Variants in TBCE observed in about 807,000 individuals in gnomAD.
TBCE encodes the protein tubulin-specific chaperone E.
TBCE carries 53 observed loss-of-function variants against 77.0 expected under a neutral mutation model. The ratio of observed to expected loss-of-function variants is 0.69; its 90% CI spans 0.55 to 0.87. The LOEUF (loss-of-function observed/expected upper bound fraction) is 0.87, where lower values mean the gene tolerates loss of function less well. TBCE is among the 40% of genes least tolerant of loss of function. The probability of loss-of-function intolerance (pLI) is 0.00; values close to 1 mark genes in which losing one functional copy is unlikely to be tolerated. For synonymous variants in TBCE, 235 were observed against 241.3 expected (o/e 0.97, Z 0.24); for missense variants, 624 against 622.4 (o/e 1.00, Z -0.03).
At chr1:235,390,141 G>C (rs1572344714) in intron 2 of TBCE, among the ~76,000 whole-genome samples, 1 of 151,350 alleles carries the variant, frequency 6.6e-6, no homozygotes, top group Non-Finnish European at 1.5e-5. Context: ...AAAAGAAAAA[G>C]AAAAAGAAAT....
At chr1:235,413,203 GAA>G (rs1679913111) in intron 3 of TBCE, among the ~76,000 whole-genome samples, 1 of 152,056 alleles carries the variant, frequency 6.6e-6, no homozygotes, top group African/African-American at 2.4e-5. Context: ...AAAAAAGTAC[GAA>G]AAGTGTTAGC....
At chr1:235,448,081 C>T (rs1572465848) in intron 15 of TBCE, among the ~76,000 whole-genome samples, 1 of 151,958 alleles carries the variant, frequency 6.6e-6, no homozygotes, top group East Asian at 1.9e-4. Context: ...TGGTGATGGG[C>T]ACCAGCTACT....
chr1:235,419,783 G>A (rs147226983), intron 5 of TBCE, among the ~76,000 whole-genome samples: 97 of 152,220 alleles, frequency 6.4e-4, no homozygotes, highest in African/African-American at 2.3e-3. Flanking sequence ...TCTACACCGG[G>A]CTCCTTGAAA....
intron 15 of TBCE, among the ~76,000 whole-genome samples, chr1:235,445,427 G>A (rs1427983276): frequency 6.6e-6 from 1 of 152,120 alleles, no homozygotes; most frequent in African/African-American, 2.4e-5. Context: ...CCAGGAGTTC[G>A]AGACCAGCCT....
At chr1:235,433,089 C>A in intron 7 of TBCE, 1 of 1,543,692 alleles carries the variant, frequency 6.5e-7, no homozygotes, top group African/African-American at 1.4e-5. Flanking sequence ...TGCGGATGAA[C>A]GTGGCCAAGG....
chr1:235,390,715 C>T (rs772975068), intron 2 of TBCE, among the ~76,000 whole-genome samples: 4 of 145,822 alleles, frequency 2.7e-5, no homozygotes, highest in South Asian at 2.1e-4. Context: ...GAGCTGAGAT[C>T]GTGCCATTGC....
intron 9 of TBCE, 40 bp downstream of exon 9, chr1:235,435,880 C>G: frequency 6.5e-7 from 1 of 1,545,484 alleles, no homozygotes; most frequent in East Asian, 2.2e-5. Flanking sequence ...AGTGTTCAGT[C>G]AATTCTTAGT....
chr1:235,438,919 C>CT lies in TBCE; in HGVS notation c.1268dup (p.Lys424GlufsTer6). 6 of 1,614,162 alleles carry CT rather than the reference C, an allele frequency of 3.7e-6. No homozygotes were observed. The highest frequency in any genetic ancestry group is 5.1e-6 in the Non-Finnish European group (6 of 1,180,042). ...CCATCCCAGATACCAGTTCCTCTGCCTGAGTACGTGCGTATACACTGGTGG... is the reference window on the plus strand; with the variant it reads ...CCATCCCAGATACCAGTTCCTCTGCCTTGAGTACGTGCGTATACACTGGTGG... On this transcript the variant is annotated frameshift_variant, in exon 13 of 17. Transcript: ENST00000642610. LOFTEE classifies it high-confidence loss of function.
chr1:235,425,716 C>T (rs904409776), intron 5 of TBCE, among the ~76,000 whole-genome samples: 1 of 152,076 alleles, frequency 6.6e-6, no homozygotes, highest in South Asian at 2.1e-4. Context: ...AGCCCCTCTG[C>T]TCGAGTCACA....
chr1:235,402,163 A>G (rs1679151006), intron 3 of TBCE, among the ~76,000 whole-genome samples: 1 of 150,876 alleles, frequency 6.6e-6, no homozygotes. Context: ...TCCTAGGTTC[A>G]AGCAATTCTC....
chr1:235,403,965 A>C (rs1211795145), intron 3 of TBCE, among the ~76,000 whole-genome samples: 1 of 152,154 alleles, frequency 6.6e-6, no homozygotes, highest in Non-Finnish European at 1.5e-5. Context: ...ATTTATCTAA[A>C]CATAGAAAAG....
intron 2 of TBCE, among the ~76,000 whole-genome samples, chr1:235,385,998 T>G (rs1202378298): frequency 6.6e-6 from 1 of 152,212 alleles, no homozygotes; most frequent in Non-Finnish European, 1.5e-5. Context: ...AGGAGCTCTT[T>G]TAGGGCAGGC....
chr1:235,369,659 TAA>T (rs55928332), intron 1 of TBCE, among the ~76,000 whole-genome samples: 77,886 of 151,498 alleles, frequency 0.51, 20,317 homozygotes, highest in East Asian at 0.72. Context: ...CCGTCTCTAC[TAA>T]AAAAAAACAC....
intron 2 of TBCE, among the ~76,000 whole-genome samples, chr1:235,382,388 AC>A: frequency 6.6e-6 from 1 of 152,340 alleles, no homozygotes; most frequent in Non-Finnish European, 1.5e-5. Flanking sequence ...AGGAATCGCC[AC>A]ACTGACTTCC....
At chr1:235,386,675 T>C (rs1303295708) in intron 2 of TBCE, among the ~76,000 whole-genome samples, 1 of 152,162 alleles carries the variant, frequency 6.6e-6, no homozygotes, top group Non-Finnish European at 1.5e-5. Context: ...CTTCTCTGTA[T>C]TGGTTATTCT....
rs555539702 is a variant in TBCE at position 235,424,979 on chromosome 1, C to T, written c.461-2161C>T. On this transcript the variant is annotated intron_variant, in intron 5 of 16. Transcript: ENST00000642610. ...TCTTCTTCTGTCGCTGGCCACTCCT[C>T]AGTCGCTTCTGTGGGACCTTTCTCT... Among the ~76,000 whole-genome samples, 98 of 152,246 alleles carry T rather than the reference C, an allele frequency of 6.4e-4. No individual in the cohort carries two copies. The South Asian group carries it at 0.012, about 19-fold the overall frequency.
At chr1:235,375,374 G>A (rs1677233672) in intron 1 of TBCE, among the ~76,000 whole-genome samples, 1 of 152,098 alleles carries the variant, frequency 6.6e-6, no homozygotes, top group African/African-American at 2.4e-5. Context: ...CTAACTAAGA[G>A]CAACATGCCA....
At chr1:235,376,930 C>T (rs940784678) in intron 1 of TBCE, among the ~76,000 whole-genome samples, 5 of 151,844 alleles carry the variant, frequency 3.3e-5, no homozygotes, top group Non-Finnish European at 7.4e-5. Flanking sequence ...GCTGAGATTG[C>T]ACCAGCCTGA....
At chr1:235,428,133 G>A (rs1364836130) in intron 6 of TBCE, among the ~76,000 whole-genome samples, 1 of 151,112 alleles carries the variant, frequency 6.6e-6, no homozygotes, top group East Asian at 2.0e-4. Context: ...GACCATCATA[G>A]CTAACAAAGT....
Sources: gnomAD v4.1 joint callset for allele counts (sites outside exome capture counted in the v4.1 genomes callset) on GRCh38, gnomAD v4.1.1 for gene constraint, MANE v1.5 for transcripts, NCBI Gene and HGNC (gene_info 2026-07-23, HGNC 2026-07-21) for gene names.